Variants in AGBL4 observed in about 807,000 individuals in gnomAD.
AGBL4 encodes the protein AGBL carboxypeptidase 4.
AGBL4 carries 58 observed loss-of-function variants against 66.4 expected under a neutral mutation model. The observed-to-expected ratio is 0.87, with a 90% CI of 0.71 to 1.09. The LOEUF (loss-of-function observed/expected upper bound fraction) is 1.09, where lower values mean the gene tolerates loss of function less well. Ranked by LOEUF, AGBL4 falls within the 50% of genes least tolerant of loss-of-function variation. AGBL4 has a pLI of 0.00. For missense variants in AGBL4, 579 were observed against 631.0 expected, an observed-to-expected ratio of 0.92 and a Z score of 0.88; for synonymous variants, 234 against 222.9, an observed-to-expected ratio of 1.05 and a Z score of -0.44.
intron 3 of AGBL4, among the ~76,000 whole-genome samples, chr1:49,534,140 G>A (rs555284243): frequency 2.7e-5 from 3 of 109,708 alleles, no homozygotes; most frequent in African/African-American, 1.0e-4. Context: ...CCTCACAAAA[G>A]CCCCATGAAG....
At chr1:49,146,748 C>T (rs924362487) in intron 4 of AGBL4, among the ~76,000 whole-genome samples, 2 of 152,222 alleles carry the variant, frequency 1.3e-5, no homozygotes, top group Non-Finnish European at 2.9e-5. Flanking sequence ...CATGATGGGG[C>T]CTCAGGGCCC....
chr1:49,675,399 T>C (rs1395190573), intron 3 of AGBL4, among the ~76,000 whole-genome samples: 3 of 151,832 alleles, frequency 2.0e-5, no homozygotes, highest in Non-Finnish European at 4.4e-5. Flanking sequence ...AGGGAAATAA[T>C]AGACACTGGG....
intron 4 of AGBL4, among the ~76,000 whole-genome samples, chr1:49,138,212 T>C (rs1646049910): frequency 6.6e-6 from 1 of 151,846 alleles, no homozygotes; most frequent in Admixed American, 6.6e-5. Flanking sequence ...GCCAGGTGAG[T>C]AAACAACGTC....
intron 11 of AGBL4, among the ~76,000 whole-genome samples, chr1:48,576,948 T>C (rs1405043982): frequency 6.6e-6 from 1 of 152,168 alleles, no homozygotes; most frequent in Non-Finnish European, 1.5e-5. Flanking sequence ...CCCCAAATCA[T>C]TACTTCCAAA....
chr1:49,070,657 C>T (rs961560600), intron 4 of AGBL4, among the ~76,000 whole-genome samples: 4 of 151,990 alleles, frequency 2.6e-5, no homozygotes, highest in African/African-American at 9.7e-5. Context: ...AGGATTTTCA[C>T]ATCGATGTTC....
chr1:49,867,099 G>A (rs376691960), intron 1 of AGBL4, among the ~76,000 whole-genome samples: 14 of 151,950 alleles, frequency 9.2e-5, no homozygotes, highest in Non-Finnish European at 1.5e-4. Context: ...CGGGAGGTGC[G>A]GCCAGGTCTT....
At chr1:49,242,115 C>A (rs1209928931) in intron 4 of AGBL4, among the ~76,000 whole-genome samples, 1 of 151,916 alleles carries the variant, frequency 6.6e-6, no homozygotes, top group Non-Finnish European at 1.5e-5. Flanking sequence ...ATTCTTAGCA[C>A]AATGTTCTCT....
At chr1:49,191,590 G>A (rs1647120171) in intron 4 of AGBL4, among the ~76,000 whole-genome samples, 1 of 152,174 alleles carries the variant, frequency 6.6e-6, no homozygotes, top group African/African-American at 2.4e-5. Flanking sequence ...CCAATAGGTA[G>A]TTTTTCAACT....
At chr1:48,967,933 C>A (rs1029676891) in intron 5 of AGBL4, among the ~76,000 whole-genome samples, 10 of 152,124 alleles carry the variant, frequency 6.6e-5, no homozygotes, top group African/African-American at 2.4e-4. Context: ...TCTCCTTTGG[C>A]AAGTTAACTG....
intron 3 of AGBL4, among the ~76,000 whole-genome samples, chr1:49,386,244 A>AT (rs2148584244): frequency 6.7e-6 from 1 of 149,156 alleles, no homozygotes; most frequent in East Asian, 1.9e-4. Flanking sequence ...GAATACATAT[A>AT]TTTTTTGGAT....
At chr1:48,727,891 G>A (rs1256609976) in intron 6 of AGBL4, 3 of 1,601,514 alleles carry the variant, frequency 1.9e-6, no homozygotes, top group Non-Finnish European at 1.7e-6. Context: ...AAAGTTTATT[G>A]CAAATTGTAT....
intron 4 of AGBL4, among the ~76,000 whole-genome samples, chr1:49,086,660 C>G (rs1644912611): frequency 6.6e-6 from 1 of 151,922 alleles, no homozygotes; most frequent in Admixed American, 6.6e-5. Context: ...AACACCTAGA[C>G]AGCAGAGTGG....
chr1:48,981,775 G>A (rs905852392), intron 5 of AGBL4, among the ~76,000 whole-genome samples: 4 of 152,056 alleles, frequency 2.6e-5, no homozygotes, highest in African/African-American at 7.2e-5. Flanking sequence ...ATCTACTACT[G>A]TAATCAGCTA....
chr1:48,545,422 T>C lies in AGBL4; in HGVS notation c.1268-5684A>G, dbSNP rs145462063. Among the ~76,000 whole-genome samples the C allele has an allele frequency of 1.9e-3, 294 of 152,230 alleles. 1 individual carries two copies. The highest frequency in any genetic ancestry group is 7.0e-3 in the African/African-American group (289 of 41,536). ...CCTGTTTGAGTCAAGAAACAGGACA[T>C]GGGCAGGAGGAGAGGAGGGATTGAT... On this transcript the variant is annotated intron_variant, in intron 11 of 13. Coordinates refer to ENST00000371839, the MANE Select transcript of AGBL4 (RefSeq NM_032785.4).
intron 4 of AGBL4, among the ~76,000 whole-genome samples, chr1:49,195,966 C>A (rs535157917): frequency 6.6e-6 from 1 of 152,180 alleles, no homozygotes; most frequent in African/African-American, 2.4e-5. Flanking sequence ...TCATAAGGGG[C>A]TTTTCTCACT....
At chr1:49,420,528 G>A (rs920214244) in intron 3 of AGBL4, among the ~76,000 whole-genome samples, 5 of 151,896 alleles carry the variant, frequency 3.3e-5, no homozygotes, top group African/African-American at 1.2e-4. Context: ...GTGAAACCCC[G>A]ACTCCACTAA....
chr1:49,576,934 G>C (rs1220855163), intron 3 of AGBL4, among the ~76,000 whole-genome samples: 2 of 152,320 alleles, frequency 1.3e-5, no homozygotes, highest in Non-Finnish European at 2.9e-5. Context: ...CAGTGGTGAA[G>C]GGAAATCTTC....
At chr1:49,787,329 C>A (rs1244742103) in intron 2 of AGBL4, among the ~76,000 whole-genome samples, 1 of 151,960 alleles carries the variant, frequency 6.6e-6, no homozygotes, top group Non-Finnish European at 1.5e-5. Flanking sequence ...GGTAAAACCC[C>A]GTCTCCACTA....
chr1:48,584,478 G>C (rs1483725100), intron 11 of AGBL4: 1 of 152,240 alleles, frequency 6.6e-6, no homozygotes, highest in Admixed American at 6.5e-5. Flanking sequence ...AGCACTTTGG[G>C]AGGCCGAAGC....
Sources: gnomAD v4.1 joint callset for allele counts (sites outside exome capture counted in the v4.1 genomes callset) on GRCh38, gnomAD v4.1.1 for gene constraint, MANE v1.5 for transcripts, NCBI Gene and HGNC (gene_info 2026-07-23, HGNC 2026-07-21) for gene names.